PCDH15: variants seen among roughly 807,000 people sequenced by gnomAD.
PCDH15 encodes protocadherin-15.
A neutral mutation model predicts 178.5 loss-of-function variants in PCDH15; 129 were observed. That is an observed-to-expected ratio of 0.72 (90% CI 0.63 to 0.84). The LOEUF (loss-of-function observed/expected upper bound fraction) is 0.84. Among genes scored for constraint, PCDH15 ranks in the 40% least tolerant of loss-of-function variants. PCDH15 has a pLI of 0.00. For missense variants in PCDH15, 2,230 were observed against 2,099.9 expected (o/e 1.06, Z -1.21); for synonymous variants, 800 against 732.0 (o/e 1.09, Z -1.50).
intron 3 of PCDH15, among the ~76,000 whole-genome samples, chr10:54,844,352 C>T (rs146830297): frequency 6.6e-6 from 1 of 152,034 alleles, no homozygotes; most frequent in African/African-American, 2.4e-5. Flanking sequence ...TCAAGAACAA[C>T]TTACCTTGTT....
chr10:53,890,473 CTTGGGGTCTA>C (rs1427874895), intron 26 of PCDH15, among the ~76,000 whole-genome samples: 1 of 152,102 alleles, frequency 6.6e-6, no homozygotes, highest in Non-Finnish European at 1.5e-5. Context: ...TTCAACATAT[CTTGGGGTCTA>C]TTGGCTTCAG....
chr10:53,886,982 T>C (rs980368155), intron 26 of PCDH15, among the ~76,000 whole-genome samples: 1 of 152,208 alleles, frequency 6.6e-6, no homozygotes, highest in African/African-American at 2.4e-5. Flanking sequence ...GCTTACGTTT[T>C]TGAAGGATTT....
chr10:55,434,858 C>T (rs1203017853), intron 2 of PCDH15, among the ~76,000 whole-genome samples: 1 of 152,136 alleles, frequency 6.6e-6, no homozygotes, highest in Non-Finnish European at 1.5e-5. Flanking sequence ...CCGACCTTGG[C>T]CTCCCAGAGA....
At chr10:55,525,225 A>G (rs1225922909) in intron 2 of PCDH15, among the ~76,000 whole-genome samples, 1 of 151,888 alleles carries the variant, frequency 6.6e-6, no homozygotes, top group African/African-American at 2.4e-5. Context: ...TTTTTGTTAC[A>G]AAAATAAAAT....
At chr10:54,207,029 T>C (rs2050867991) in intron 10 of PCDH15, among the ~76,000 whole-genome samples, 1 of 152,086 alleles carries the variant, frequency 6.6e-6, no homozygotes, top group South Asian at 2.1e-4. Context: ...CTGATGAGAA[T>C]GGATAAATTG....
intron 2 of PCDH15, among the ~76,000 whole-genome samples, chr10:54,898,514 C>A (rs1271039041): frequency 6.6e-6 from 1 of 151,906 alleles, no homozygotes; most frequent in Non-Finnish European, 1.5e-5. Flanking sequence ...TTATATTTCC[C>A]AGATTTTTCA....
At chr10:54,775,009 A>G (rs1949536489) in intron 1 of PCDH15, among the ~76,000 whole-genome samples, 3 of 152,220 alleles carry the variant, frequency 2.0e-5, no homozygotes, top group African/African-American at 7.2e-5. Flanking sequence ...CTTTAAGACA[A>G]TTAGACTGTT....
At chr10:55,416,698 G>C (rs1838492243) in intron 2 of PCDH15, among the ~76,000 whole-genome samples, 1 of 151,742 alleles carries the variant, frequency 6.6e-6, no homozygotes, top group African/African-American at 2.4e-5. Flanking sequence ...GGGCTTTGCT[G>C]CTGGGTTAAA....
chr10:55,425,776 C>T (rs1231569050), intron 2 of PCDH15, among the ~76,000 whole-genome samples: 1 of 152,042 alleles, frequency 6.6e-6, no homozygotes, highest in Non-Finnish European at 1.5e-5. Flanking sequence ...GTCTTATAAG[C>T]TATTAATATA....
intron 2 of PCDH15, among the ~76,000 whole-genome samples, chr10:55,576,783 C>T (rs962136702): frequency 1.3e-5 from 2 of 151,228 alleles, no homozygotes; most frequent in African/African-American, 4.9e-5. Flanking sequence ...ATAGTGAAAG[C>T]AATAATATTT....
chr10:55,459,351 G>GA lies in PCDH15; in HGVS notation c.-156+168273dup, dbSNP rs1232900307. ...TTTGAATCCTTAGCTAAATGAACCA[G>GA]AAAAATGCAGTTTTCTCCCGCTTAT... On this transcript the variant is annotated intron_variant, in intron 2 of 5. Transcript: ENST00000613346. 7.9e-5 allele frequency among the ~76,000 whole-genome samples: 12 copies of GA among 151,828 alleles called. 1 individual carries two copies. The highest frequency in any genetic ancestry group is 7.2e-4 in the Admixed American group (11 of 15,212).
At chr10:54,236,676 T>C (rs56064237) in intron 9 of PCDH15, 147 bp downstream of exon 9, 1 of 720,074 alleles carries the variant, frequency 1.4e-6, no homozygotes, top group Admixed American at 2.4e-5. Context: ...TCTTGAATTA[T>C]TATTTTTAAA....
chr10:53,840,758 C>T (rs1210353981), intron 28 of PCDH15, among the ~76,000 whole-genome samples: 1 of 152,142 alleles, frequency 6.6e-6, no homozygotes, highest in East Asian at 1.9e-4. Context: ...ATTTATGATA[C>T]TATTTGAGCT....
chr10:54,667,468 T>C (rs951032910), intron 1 of PCDH15, among the ~76,000 whole-genome samples: 6 of 152,130 alleles, frequency 3.9e-5, no homozygotes, highest in African/African-American at 1.4e-4. Flanking sequence ...CTTCTGTGAT[T>C]GTGATCAAAT....
intron 2 of PCDH15, among the ~76,000 whole-genome samples, chr10:55,355,984 T>A (rs1407739405): frequency 6.6e-6 from 1 of 151,930 alleles, no homozygotes; most frequent in Non-Finnish European, 1.5e-5. Context: ...ACATCACAGA[T>A]TTAACAATAA....
chr10:55,567,276 T>C (rs1323638690), intron 2 of PCDH15, among the ~76,000 whole-genome samples: 1 of 151,926 alleles, frequency 6.6e-6, no homozygotes, highest in African/African-American at 2.4e-5. Flanking sequence ...TACAAAAATT[T>C]AGTCAAAATG....
intron 2 of PCDH15, among the ~76,000 whole-genome samples, chr10:54,577,322 G>C (rs942931279): frequency 6.7e-6 from 1 of 149,414 alleles, no homozygotes; most frequent in Non-Finnish European, 1.5e-5. Context: ...TCGATCTCCT[G>C]ACCTTACAAT....
At chr10:55,335,098 A>G (rs978690458) in intron 2 of PCDH15, among the ~76,000 whole-genome samples, 1 of 152,238 alleles carries the variant, frequency 6.6e-6, no homozygotes. Context: ...AAGTATCCAT[A>G]GCCCCTTTTT....
At chr10:55,385,698 T>TATATATATATATATATATATATATATGC (rs1487726564) in intron 2 of PCDH15, among the ~76,000 whole-genome samples, 1 of 143,502 alleles carries the variant, frequency 7.0e-6, no homozygotes, top group Non-Finnish European at 1.5e-5. Context: ...TCTGCCTATA[T>TATATATATATATATATATATATATATGC]ATATATATAT....
Sources: gnomAD v4.1 joint callset for allele counts (sites outside exome capture counted in the v4.1 genomes callset) on GRCh38, gnomAD v4.1.1 for gene constraint, MANE v1.5 for transcripts, NCBI Gene and HGNC (gene_info 2026-07-23, HGNC 2026-07-21) for gene names.